Variants in OTUD7A observed in about 807,000 individuals in gnomAD.
OTUD7A encodes the protein OTU domain-containing protein 7A.
OTUD7A carries 12 observed loss-of-function variants against 65.7 expected under a neutral mutation model. The ratio of observed to expected loss-of-function variants is 0.18; its 90% confidence interval spans 0.12 to 0.30. The LOEUF is 0.30. Among genes scored for constraint, OTUD7A ranks in the 10% least tolerant of loss-of-function variants. The pLI is 1.00. For synonymous variants in OTUD7A, 641 were observed against 586.3 expected (o/e 1.09, Z -1.35); for missense variants, 1,148 against 1,304.8 (o/e 0.88, Z 1.85).
intron 1 of OTUD7A, among the ~76,000 whole-genome samples, chr15:31,824,735 A>G (rs1352365606): frequency 1.3e-5 from 2 of 152,224 alleles, no homozygotes; most frequent in African/African-American, 4.8e-5. Flanking sequence ...TTTACATCAC[A>G]TACTTTCACT....
In OTUD7A at chr15:31,513,501, C is replaced by T. The variant is rs1157328382; in HGVS notation, c.894-9683G>A. 4.6e-5 allele frequency among the ~76,000 whole-genome samples: 7 copies of T among 152,208 alleles called. 1 individual carries two copies. Among genetic ancestry groups the T allele is most frequent in the Admixed American group, 4.6e-4 (7 of 15,282 alleles). ...GGTGCTGCATTCAGCGGTGGCGTCT[C>T]CTTAGTCTCCTTCACCTGGAACATT... On this transcript the variant is annotated intron_variant, in intron 8 of 12. Transcript: ENST00000307050.
intron 1 of OTUD7A, among the ~76,000 whole-genome samples, chr15:31,758,557 C>T (rs1414428529): frequency 6.6e-6 from 1 of 152,204 alleles, no homozygotes; most frequent in African/African-American, 2.4e-5. Context: ...GAATACTGCT[C>T]GAACCAGAGA....
At chr15:31,847,956 G>A (rs1279362239) in intron 1 of OTUD7A, among the ~76,000 whole-genome samples, 1 of 152,196 alleles carries the variant, frequency 6.6e-6, no homozygotes, top group Admixed American at 6.5e-5. Flanking sequence ...AGAACAGCAA[G>A]AGGGAAGTCT....
intron 1 of OTUD7A, among the ~76,000 whole-genome samples, chr15:31,771,378 T>A (rs1895230766): frequency 6.6e-6 from 1 of 152,172 alleles, no homozygotes; most frequent in East Asian, 1.9e-4. Flanking sequence ...CAAATCCACA[T>A]CCACTGGCAA....
At chr15:31,652,187 A>C (rs1177480913) in intron 3 of OTUD7A, among the ~76,000 whole-genome samples, 2 of 152,204 alleles carry the variant, frequency 1.3e-5, no homozygotes, top group African/African-American at 4.8e-5. Flanking sequence ...TTCCTTACAA[A>C]TACCCTCAGT....
rs1566893799 is a variant in OTUD7A, at chr15:31,511,682, C to CATATATGTATATCTATATGTAACACACAT, written c.894-7893_894-7865dup. Among the ~76,000 whole-genome samples the CATATATGTATATCTATATGTAACACACAT allele has an allele frequency of 9.9e-3, 73 of 7,384 alleles. 16 individuals carry two copies. The highest frequency in any genetic ancestry group is 0.075 in the East Asian group (3 of 40). The allele number at this position is 7,384 out of a possible 152,430, so 4.8% of individuals were successfully genotyped here. ...TATGTATATCTATATGTAACACACA[C>CATATATGTATATCTATATGTAACACACAT]ATATATGTATATCTATATGTAACAC... On this transcript the variant is annotated intron_variant, in intron 8 of 12. Coordinates refer to ENST00000307050, the MANE Select transcript of OTUD7A (RefSeq NM_001382637.1).
At chr15:31,522,326 T>C (rs77544153) in intron 8 of OTUD7A, among the ~76,000 whole-genome samples, 4,509 of 152,232 alleles carry the variant, frequency 0.03, 111 homozygotes, top group Non-Finnish European at 0.045. Context: ...GGACATGGAC[T>C]TTCTGCCCTC....
intron 3 of OTUD7A, among the ~76,000 whole-genome samples, chr15:31,593,726 A>C (rs1003859551): frequency 1.3e-5 from 2 of 152,130 alleles, no homozygotes; most frequent in South Asian, 2.1e-4. Context: ...GAAAATATAT[A>C]ATTTCATTTC....
chr15:31,541,385 T>C (rs1381121545), intron 5 of OTUD7A, among the ~76,000 whole-genome samples: 1 of 152,238 alleles, frequency 6.6e-6, no homozygotes, highest in Non-Finnish European at 1.5e-5. Flanking sequence ...TTAGTTACTC[T>C]ATGCTTATTT....
At chr15:31,782,276 G>GAGC (rs1224269867) in intron 1 of OTUD7A, among the ~76,000 whole-genome samples, 2 of 152,228 alleles carry the variant, frequency 1.3e-5, no homozygotes, top group African/African-American at 2.4e-5. Flanking sequence ...GGGTGTGCAG[G>GAGC]AGCAGCTGGG....
At chr15:31,631,164 T>A (rs1891137838) in intron 3 of OTUD7A, among the ~76,000 whole-genome samples, 1 of 152,252 alleles carries the variant, frequency 6.6e-6, no homozygotes, top group Admixed American at 6.5e-5. Flanking sequence ...CGTTAGTTGA[T>A]GCAGTTTTCT....
Position 31,690,925 on chromosome 15 carries a change from T to C in OTUD7A, c.-99-33848A>G, listed in dbSNP as rs553111250. Among the ~76,000 whole-genome samples, 466 of 152,112 alleles carry C rather than the reference T, an allele frequency of 3.1e-3. 3 individuals carry two copies. The highest frequency in any genetic ancestry group is 0.011 in the African/African-American group (437 of 41,486). ...AAAGAACAGGCAACAAAAGGAAAAA[T>C]AGATAAAATGGACTTCATCAAAATT... On this transcript the variant is annotated intron_variant, in intron 1 of 12. Transcript: ENST00000307050.
At chr15:31,628,589 T>A (rs1891039206) in intron 3 of OTUD7A, among the ~76,000 whole-genome samples, 2 of 152,298 alleles carry the variant, frequency 1.3e-5, no homozygotes, top group Middle Eastern at 6.8e-3. Context: ...CTTTTTTGGT[T>A]CCATATCAAC....
intron 1 of OTUD7A, among the ~76,000 whole-genome samples, chr15:31,827,591 T>C (rs958679173): frequency 4.6e-5 from 7 of 152,216 alleles, no homozygotes; most frequent in African/African-American, 1.4e-4. Flanking sequence ...GTTTTCTTTT[T>C]ATTGTATACT....
chr15:31,788,468 A>T (rs1236924213), intron 1 of OTUD7A, among the ~76,000 whole-genome samples: 1 of 152,210 alleles, frequency 6.6e-6, no homozygotes, highest in African/African-American at 2.4e-5. Context: ...CAAAATGGCT[A>T]TTGATGGGCA....
At chr15:31,632,313 G>T (rs1891191890) in intron 3 of OTUD7A, among the ~76,000 whole-genome samples, 1 of 152,228 alleles carries the variant, frequency 6.6e-6, no homozygotes, top group East Asian at 1.9e-4. Flanking sequence ...TAACAGACAG[G>T]ACCCTCAGCT....
At chr15:31,698,759 A>C in intron 1 of OTUD7A, among the ~76,000 whole-genome samples, 1 of 146,458 alleles carries the variant, frequency 6.8e-6, no homozygotes. Context: ...AATCCTTTTT[A>C]CTCCCAGCTT....
chr15:31,857,066 C>T (rs1013866809), intron 1 of OTUD7A, among the ~76,000 whole-genome samples: 2 of 152,154 alleles, frequency 1.3e-5, no homozygotes, highest in African/African-American at 4.8e-5. Flanking sequence ...ACCCTCATTC[C>T]ACAACATGGA....
intron 8 of OTUD7A, 94 bp from the exon 9 acceptor site, chr15:31,503,912 C>A (rs1396767382): frequency 6.9e-7 from 1 of 1,457,184 alleles, no homozygotes; most frequent in Non-Finnish European, 9.4e-7. Flanking sequence ...TGAGCCCTCC[C>A]CACTCTGGAT....
Sources: gnomAD v4.1 joint callset for allele counts (sites outside exome capture counted in the v4.1 genomes callset) on GRCh38, gnomAD v4.1.1 for gene constraint, MANE v1.5 for transcripts, NCBI Gene and HGNC (gene_info 2026-07-23, HGNC 2026-07-21) for gene names.